The following SLIT2 variants were observed in gnomAD, a reference collection of about 807,000 sequenced individuals.
SLIT2 encodes slit homolog 2 protein.
In SLIT2, 41 loss-of-function variants were observed where a neutral mutation model predicts 185.7. That is an observed-to-expected ratio of 0.22 (90% CI 0.17 to 0.29). The LOEUF (loss-of-function observed/expected upper bound fraction) is 0.29, where lower values mean the gene tolerates loss of function less well. Among genes scored for constraint, SLIT2 ranks in the 10% least tolerant of loss-of-function variants. The probability of loss-of-function intolerance (pLI) is 1.00; values close to 1 mark genes in which losing one functional copy is unlikely to be tolerated. For missense variants in SLIT2, 1,571 were observed against 1,909.0 expected, an observed-to-expected ratio of 0.82 and a Z score of 3.30; for synonymous variants, 693 against 680.2, an observed-to-expected ratio of 1.02 and a Z score of -0.29.
chr4:20,301,941 A>T (rs1196306371), intron 4 of SLIT2, among the ~76,000 whole-genome samples: 2 of 152,194 alleles, frequency 1.3e-5, no homozygotes, highest in Non-Finnish European at 2.9e-5. Context: ...TTGGCTCAGT[A>T]ATAATCAAGC....
At chr4:20,304,833 G>A (rs150907927) in intron 4 of SLIT2, among the ~76,000 whole-genome samples, 61 of 152,240 alleles carry the variant, frequency 4.0e-4, no homozygotes, top group African/African-American at 1.3e-3. Context: ...TTAAGAGAGC[G>A]TGATTGGTGG....
intron 4 of SLIT2, among the ~76,000 whole-genome samples, chr4:20,388,393 A>G (rs1323418616): frequency 1.3e-5 from 2 of 152,186 alleles, no homozygotes; most frequent in Non-Finnish European, 2.9e-5. Flanking sequence ...CTTGAGCTAA[A>G]TTTTAAAATA....
At chr4:20,266,764 AGTG>A (rs1713075540) in intron 3 of SLIT2, among the ~76,000 whole-genome samples, 1 of 151,968 alleles carries the variant, frequency 6.6e-6, no homozygotes. Flanking sequence ...AATATTACAC[AGTG>A]TAAGGGACTC....
chr4:20,424,192 C>A (rs550987877), intron 4 of SLIT2, among the ~76,000 whole-genome samples: 1 of 152,202 alleles, frequency 6.6e-6, no homozygotes, highest in South Asian at 2.1e-4. Flanking sequence ...CAAGTTAGTA[C>A]AAACTAACCA....
At chr4:20,410,651 C>T (rs1487458047) in intron 4 of SLIT2, among the ~76,000 whole-genome samples, 1 of 152,076 alleles carries the variant, frequency 6.6e-6, no homozygotes, top group African/African-American at 2.4e-5. Flanking sequence ...CCTGCTCTCC[C>T]AGTACCATTT....
chr4:20,542,445 C>A, intron 20 of SLIT2, 49 bp from the exon 21 acceptor site: 1 of 1,600,776 alleles, frequency 6.2e-7, no homozygotes, highest in Non-Finnish European at 8.5e-7. Context: ...CCTTCTAGCA[C>A]CTTCAAGACC....
At chr4:20,300,938 G>A (rs554499744) in intron 4 of SLIT2, among the ~76,000 whole-genome samples, 13 of 151,886 alleles carry the variant, frequency 8.6e-5, no homozygotes, top group African/African-American at 3.1e-4. Context: ...GGTATACATC[G>A]TTTTCTAATT....
At chr4:20,610,534 A>G (rs1029296740) in intron 34 of SLIT2, among the ~76,000 whole-genome samples, 10 of 152,210 alleles carry the variant, frequency 6.6e-5, no homozygotes, top group Admixed American at 4.6e-4. Flanking sequence ...CAAGAAAATG[A>G]TAAAACAAGC....
chr4:20,576,997 A>C (rs1356762106), intron 29 of SLIT2, among the ~76,000 whole-genome samples: 2 of 151,738 alleles, frequency 1.3e-5, no homozygotes, highest in Non-Finnish European at 2.9e-5. Context: ...TTTTCATTTA[A>C]AAATATACCA....
intron 4 of SLIT2, among the ~76,000 whole-genome samples, chr4:20,298,147 G>A (rs1333576935): frequency 6.6e-6 from 1 of 150,744 alleles, no homozygotes; most frequent in East Asian, 2.0e-4. Flanking sequence ...GGAGTGCAAT[G>A]GCGTAATCTC....
intron 4 of SLIT2, among the ~76,000 whole-genome samples, chr4:20,287,898 A>G (rs1715423160): frequency 6.6e-6 from 1 of 152,190 alleles, no homozygotes; most frequent in Non-Finnish European, 1.5e-5. Context: ...TTAAAAAAAA[A>G]GCTATGTATT....
chr4:20,465,007 C>A (rs1714182693), intron 4 of SLIT2, among the ~76,000 whole-genome samples: 2 of 152,116 alleles, frequency 1.3e-5, no homozygotes, highest in South Asian at 2.1e-4. Flanking sequence ...AACTGCTAAC[C>A]TTCAGTTGAC....
chr4:20,488,456 G>A (rs954451870), intron 7 of SLIT2, among the ~76,000 whole-genome samples: 8 of 152,200 alleles, frequency 5.3e-5, no homozygotes, highest in Middle Eastern at 3.4e-3. Context: ...TTACTAACTT[G>A]CCCCTCGCCC....
Position 20,618,880 on chromosome 4 carries a change from A to G in SLIT2, c.4461A>G (p.Ala1487=), listed in dbSNP as rs772484691. The change falls in exon 37 of 37, where the codon GCA becomes GCG. Residue 1487 remains alanine, a synonymous_variant. Transcript: ENST00000504154. The part of the protein sequence containing the change: ...VSRLECRGGC[A]GGQCCGPLRS... ...GATTAGAGTGCAGAGGTGGGTGTGC[A>G]GGAGGGCAGTGCTGTGGACCGCTGA... is the stretch of plus-strand genomic sequence containing the variant. The G allele has an allele frequency of 6.2e-7, 1 of 1,614,146 alleles. No homozygotes were observed. The highest frequency in any genetic ancestry group is 8.5e-7 in the Non-Finnish European group (1 of 1,180,008).
intron 4 of SLIT2, among the ~76,000 whole-genome samples, chr4:20,419,667 C>CTGTG (rs55679047): frequency 0.14 from 19,200 of 137,880 alleles, 1,388 homozygotes; most frequent in South Asian, 0.17. Flanking sequence ...AAGTTTTAAG[C>CTGTG]TGTGTGTGTG....
intron 13 of SLIT2, 50 bp from the exon 14 acceptor site, chr4:20,523,964 T>C (rs535098416): frequency 6.2e-7 from 1 of 1,611,548 alleles, no homozygotes; most frequent in South Asian, 1.1e-5. Flanking sequence ...ATGTAAGAGC[T>C]GAGTCCATTG....
chr4:20,391,893 A>G (rs1277246818), intron 4 of SLIT2, among the ~76,000 whole-genome samples: 2 of 152,116 alleles, frequency 1.3e-5, no homozygotes, highest in East Asian at 1.9e-4. Flanking sequence ...CTAGTGTGCC[A>G]TCTTCTAGAG....
intron 10 of SLIT2, 130 bp downstream of exon 10, chr4:20,510,696 T>C: frequency 3.4e-6 from 2 of 594,328 alleles, no homozygotes; most frequent in Non-Finnish European, 3.0e-6. Context: ...GACTGTCTGA[T>C]TACTAGCTCT....
chr4:20,543,341 C>T (rs1181736152), intron 21 of SLIT2, among the ~76,000 whole-genome samples: 1 of 152,150 alleles, frequency 6.6e-6, no homozygotes, highest in African/African-American at 2.4e-5. Context: ...TTGGCTGCCT[C>T]ATGCTACAGT....
Sources: allele counts gnomAD v4.1 joint callset (sites outside exome capture counted in the v4.1 genomes callset), GRCh38; gene constraint gnomAD v4.1.1; transcripts MANE v1.5; gene names NCBI Gene and HGNC (gene_info 2026-07-23, HGNC 2026-07-21).